Variants in STAU2 observed in about 807,000 individuals in gnomAD.
The protein encoded by STAU2 is staufen double-stranded RNA binding protein 2.
STAU2 carries 20 observed loss-of-function variants against 65.9 expected under a neutral mutation model. The ratio of observed to expected loss-of-function variants is 0.30; its 90% confidence interval spans 0.21 to 0.44. The LOEUF (loss-of-function observed/expected upper bound fraction) is 0.44. Ranked by LOEUF, STAU2 falls within the 20% of genes least tolerant of loss-of-function variation. The pLI, the probability that STAU2 is intolerant of heterozygous loss-of-function variation, is 1.00. For missense variants in STAU2, 558 were observed against 683.9 expected (o/e 0.82, Z 2.05); for synonymous variants, 232 against 233.9 (o/e 0.99, Z 0.07).
At position 73,746,813 on chromosome 8, in the gene STAU2, C is replaced by G. The variant is rs1807323676; in HGVS notation, c.-227G>C. On this transcript the variant is annotated 5_prime_UTR_variant, in exon 1 of 15. Transcript: ENST00000524300. Reference sequence around the variant, plus strand: ...TGCCGGGGACACTTTGCAGACGGCTCCAACATTGGCAAACACTACAGAGAA... The same window carrying G: ...TGCCGGGGACACTTTGCAGACGGCTGCAACATTGGCAAACACTACAGAGAA... 1 of 1,231,872 alleles carries G rather than the reference C, an allele frequency of 8.1e-7. No homozygotes were observed. The highest frequency in any genetic ancestry group is 1.0e-6 in the Non-Finnish European group (1 of 986,876). 76.3% of individuals were successfully genotyped at this position (1,231,872 alleles called of 1,614,324 possible).
chr8:73,572,339 A>C (rs1165084793), intron 12 of STAU2, among the ~76,000 whole-genome samples: 2 of 152,190 alleles, frequency 1.3e-5, no homozygotes, highest in Non-Finnish European at 2.9e-5. Flanking sequence ...AGCTGATACC[A>C]TTCCTTCTGA....
In STAU2 at chr8:73,737,179, G is replaced by GT. The variant is rs898058103; in HGVS notation, c.-18+1104dup. On this transcript the variant is annotated intron_variant, in intron 3 of 14. Coordinates refer to ENST00000524300, the MANE Select transcript of STAU2 (RefSeq NM_001164380.2). Reference sequence around the variant, plus strand: ...ACCACGCCTGGCCAAGATTACTTTTGTTTTTTTTTTGAGACAGTCTCACTC... The same window carrying GT: ...ACCACGCCTGGCCAAGATTACTTTTGTTTTTTTTTTTGAGACAGTCTCACTC... Among the ~76,000 whole-genome samples the GT allele has an allele frequency of 2.2e-3, 314 of 143,152 alleles. 11 individuals are homozygous for GT. In the East Asian group the frequency reaches 0.032, roughly 15 times the overall value. The allele number at this position is 143,152 out of a possible 152,430, so 93.9% of individuals were successfully genotyped here. A position where few individuals can be genotyped will look rare whatever the true frequency, so the allele number is the denominator to read the frequency against.
intron 13 of STAU2, among the ~76,000 whole-genome samples, chr8:73,547,577 G>A (rs528826725): frequency 6.6e-6 from 1 of 152,230 alleles, no homozygotes; most frequent in Non-Finnish European, 1.5e-5. Flanking sequence ...AAGCCTTCAA[G>A]AGAGTTCTAA....
At chr8:73,508,066 G>C (rs925692854) in intron 13 of STAU2, among the ~76,000 whole-genome samples, 1 of 152,166 alleles carries the variant, frequency 6.6e-6, no homozygotes, top group Non-Finnish European at 1.5e-5. Context: ...CTCCATATCA[G>C]CCATAAGGCT....
intron 5 of STAU2, among the ~76,000 whole-genome samples, chr8:73,678,966 T>C (rs941338625): frequency 1.3e-5 from 2 of 152,198 alleles, no homozygotes; most frequent in East Asian, 1.9e-4. Context: ...GATTTGATTA[T>C]GAATATAACC....
chr8:73,693,453 C>T (rs28447498), intron 4 of STAU2, among the ~76,000 whole-genome samples: 10,267 of 134,326 alleles, frequency 0.076, 390 homozygotes, highest in Middle Eastern at 0.17. Flanking sequence ...CCAGCCTGGG[C>T]GAAAGAGTGA....
chr8:73,563,223 G>A (rs1808364884), intron 12 of STAU2, among the ~76,000 whole-genome samples: 1 of 152,176 alleles, frequency 6.6e-6, no homozygotes, highest in African/African-American at 2.4e-5. Context: ...AGAAAAAACT[G>A]AGTAGGCAGC....
chr8:73,536,687 G>A (rs978086971), intron 13 of STAU2, among the ~76,000 whole-genome samples: 13 of 152,112 alleles, frequency 8.5e-5, no homozygotes, highest in Non-Finnish European at 1.5e-5. Flanking sequence ...GTCAATAGAG[G>A]CATGGTGGAA....
intron 13 of STAU2, among the ~76,000 whole-genome samples, chr8:73,504,780 A>T (rs1821967442): frequency 1.3e-5 from 2 of 152,058 alleles, no homozygotes; most frequent in African/African-American, 4.8e-5. Flanking sequence ...AACCTTAAAT[A>T]ATTTCTCCAA....
chr8:73,704,189 T>G (rs1290579091), intron 4 of STAU2, among the ~76,000 whole-genome samples: 1 of 152,194 alleles, frequency 6.6e-6, no homozygotes, highest in African/African-American at 2.4e-5. Context: ...AATCACTACA[T>G]ACAATCAGCC....
At chr8:73,538,277 A>G (rs1177947403) in intron 13 of STAU2, among the ~76,000 whole-genome samples, 4 of 152,188 alleles carry the variant, frequency 2.6e-5, no homozygotes, top group Admixed American at 6.5e-5. Flanking sequence ...ACCAGTAACA[A>G]TAAAGTCAGT....
intron 6 of STAU2, among the ~76,000 whole-genome samples, chr8:73,654,683 CT>C (rs764223379): frequency 0.043 from 2,706 of 62,796 alleles, 10 homozygotes; most frequent in Admixed American, 0.094. Flanking sequence ...ATTATCAAAC[CT>C]TTTTTTTTTT....
intron 6 of STAU2, among the ~76,000 whole-genome samples, chr8:73,624,699 G>T (rs1352543045): frequency 2.0e-5 from 3 of 152,192 alleles, no homozygotes; most frequent in Admixed American, 2.0e-4. Flanking sequence ...GCCTCTGAAT[G>T]AACTGGATAG....
At chr8:73,694,406 C>CA (rs1307335528) in intron 4 of STAU2, among the ~76,000 whole-genome samples, 5 of 152,216 alleles carry the variant, frequency 3.3e-5, no homozygotes, top group African/African-American at 7.2e-5. Flanking sequence ...GTTCACAGGA[C>CA]ATTTACCAAG....
Position 73,449,412 on chromosome 8 carries a change from T to C in STAU2, c.1531-26710A>G, listed in dbSNP as rs375587627. Among the ~76,000 whole-genome samples, 43 of 152,336 alleles carry C rather than the reference T, an allele frequency of 2.8e-4. No individual in the cohort carries two copies. The South Asian group carries it at 8.3e-3, about 29-fold the overall frequency. ...TTCTGAGGACACCAGGCAGATTGGA[T>C]TGGGGCCAACTCTTATGATCTTATC... On this transcript the variant is annotated intron_variant, in intron 13 of 14. Coordinates refer to ENST00000524300, the MANE Select transcript of STAU2 (RefSeq NM_001164380.2).
chr8:73,614,849 T>C (rs1812719868), intron 8 of STAU2, among the ~76,000 whole-genome samples: 1 of 152,230 alleles, frequency 6.6e-6, no homozygotes, highest in Admixed American at 6.5e-5. Flanking sequence ...GGATCTCAAG[T>C]ACATTCTCTC....
At chr8:73,596,622 G>C (rs1180497639) in intron 10 of STAU2, among the ~76,000 whole-genome samples, 1 of 152,130 alleles carries the variant, frequency 6.6e-6, no homozygotes, top group African/African-American at 2.4e-5. Flanking sequence ...CCAACACTAG[G>C]AGGATTGTTT....
At chr8:73,586,799 G>T (rs539046019) in intron 11 of STAU2, among the ~76,000 whole-genome samples, 2 of 152,022 alleles carry the variant, frequency 1.3e-5, no homozygotes, top group East Asian at 3.9e-4. Context: ...GTCAGAGAGG[G>T]ACTAGAAAAC....
chr8:73,702,697 GAAC>G lies in STAU2; in HGVS notation c.114+6332_114+6334del, dbSNP rs1168408423. The stretch of plus-strand genomic sequence containing the variant: ...ACAGAATAAAGAACTTCTCAAAACT[GAAC>G]AATAAAACAAACCCAATAAAAAATA... On this transcript the variant is annotated intron_variant, in intron 4 of 14. Transcript: ENST00000524300. 7.2e-5 allele frequency among the ~76,000 whole-genome samples: 11 copies of G among 151,902 alleles called. No individual in the cohort carries two copies. In the South Asian group the frequency reaches 1.2e-3, roughly 17 times the overall value.
Sources: gnomAD v4.1 joint callset for allele counts (sites outside exome capture counted in the v4.1 genomes callset) on GRCh38, gnomAD v4.1.1 for gene constraint, MANE v1.5 for transcripts, NCBI Gene and HGNC (gene_info 2026-07-23, HGNC 2026-07-21) for gene names.